The following PRKCE variants were observed in gnomAD, a reference collection of about 807,000 sequenced individuals.
The protein encoded by PRKCE is protein kinase C epsilon type.
Under a neutral mutation model 85.4 loss-of-function variants are expected in PRKCE, and 16 were observed. That is an observed-to-expected ratio of 0.19 (90% CI 0.13 to 0.28). PRKCE has a LOEUF of 0.28. PRKCE is among the 10% of genes least tolerant of loss of function. The pLI is 1.00. For missense variants in PRKCE, 573 were observed against 975.2 expected, an observed-to-expected ratio of 0.59 and a Z score of 5.49; for synonymous variants, 388 against 371.5, an observed-to-expected ratio of 1.04 and a Z score of -0.51.
intron 2 of PRKCE, among the ~76,000 whole-genome samples, chr2:45,909,651 C>T (rs1697234225): frequency 6.6e-6 from 1 of 152,244 alleles, no homozygotes; most frequent in South Asian, 2.1e-4. Context: ...TATTCTTCCT[C>T]ATCCCCTACC....
At chr2:45,665,732 A>G (rs897369092) in intron 1 of PRKCE, among the ~76,000 whole-genome samples, 4 of 152,178 alleles carry the variant, frequency 2.6e-5, no homozygotes, top group African/African-American at 7.2e-5. Flanking sequence ...TAGGTATTGC[A>G]TGGGACATTC....
chr2:46,143,349 A>G (rs1675748893), intron 11 of PRKCE, among the ~76,000 whole-genome samples: 1 of 152,108 alleles, frequency 6.6e-6, no homozygotes, highest in Non-Finnish European at 1.5e-5. Flanking sequence ...ATAGAGGGGC[A>G]TGTGACTCAG....
chr2:46,169,011 C>T (rs961025368), intron 14 of PRKCE, among the ~76,000 whole-genome samples: 1 of 152,198 alleles, frequency 6.6e-6, no homozygotes, highest in African/African-American at 2.4e-5. Flanking sequence ...CAGACAGAGC[C>T]TCAACCCTCC....
chr2:45,862,378 C>T (rs1693239555), intron 2 of PRKCE, among the ~76,000 whole-genome samples: 1 of 152,212 alleles, frequency 6.6e-6, no homozygotes, highest in Non-Finnish European at 1.5e-5. Flanking sequence ...TCCAGTGGAA[C>T]TTGGCCTTCT....
chr2:45,834,034 C>T (rs1690649679), intron 1 of PRKCE, among the ~76,000 whole-genome samples: 2 of 152,152 alleles, frequency 1.3e-5, no homozygotes, highest in Admixed American at 6.5e-5. Context: ...TAGAGTTATT[C>T]GTTTTTAGCT....
intron 1 of PRKCE, among the ~76,000 whole-genome samples, chr2:45,727,841 G>C (rs979772196): frequency 1.3e-5 from 2 of 152,052 alleles, no homozygotes; most frequent in Non-Finnish European, 2.9e-5. Flanking sequence ...TTTTAGTAGA[G>C]ACGGGGTTTC....
intron 1 of PRKCE, among the ~76,000 whole-genome samples, chr2:45,759,296 C>T (rs1419013213): frequency 1.3e-5 from 2 of 152,222 alleles, no homozygotes; most frequent in Non-Finnish European, 2.9e-5. Flanking sequence ...GGACAGCTGA[C>T]TCCAGGTTCT....
At chr2:46,130,833 A>G (rs1348028870) in intron 11 of PRKCE, among the ~76,000 whole-genome samples, 1 of 152,242 alleles carries the variant, frequency 6.6e-6, no homozygotes, top group African/African-American at 2.4e-5. Context: ...GAGTAGCTTG[A>G]GAAGAGTAAA....
intron 10 of PRKCE, among the ~76,000 whole-genome samples, chr2:46,057,089 G>C (rs1356060038): frequency 6.6e-6 from 1 of 152,156 alleles, no homozygotes; most frequent in African/African-American, 2.4e-5. Context: ...TGGTCTCTGT[G>C]TATGGCCTGA....
chr2:45,920,631 A>G (rs1427866956), intron 2 of PRKCE, among the ~76,000 whole-genome samples: 2 of 152,252 alleles, frequency 1.3e-5, no homozygotes, highest in Non-Finnish European at 2.9e-5. Context: ...GTCAGATTCA[A>G]AAGACCACAT....
intron 11 of PRKCE, among the ~76,000 whole-genome samples, chr2:46,102,060 C>T (rs1416564208): frequency 6.6e-6 from 1 of 152,194 alleles, no homozygotes; most frequent in African/African-American, 2.4e-5. Context: ...GGTGATTGTG[C>T]GTGTCTCTTC....
intron 10 of PRKCE, among the ~76,000 whole-genome samples, chr2:46,085,744 TTTTTGTTTTTG>T (rs1206966720): frequency 2.4e-4 from 6 of 25,246 alleles, no homozygotes; most frequent in Admixed American, 5.1e-4. Context: ...CCGTTTTTTT[TTTTTGTTTTTG>T]TTTTTTTTTT....
rs755105893 is a variant in PRKCE, at chr2:46,001,529, G to A, written c.949G>A (p.Gly317Ser). 7 of 1,598,906 alleles carry A rather than the reference G, an allele frequency of 4.4e-6. No individual in the cohort carries two copies. The highest frequency in any genetic ancestry group is 1.7e-5 in the Admixed American group (1 of 59,948). ...GVTPDKITNS[G>S]QRRKKLIAGA... ...TACCCCAGACAAAATCACCAACAGC[G>A]GCCAGAGAAGGAAAAAGGTAACTGG... is the stretch of plus-strand genomic sequence containing the variant. Residue 317 changes from glycine (G) to serine (S), a missense_variant, in exon 7 of 15, where the codon GGC (glycine) becomes AGC (serine). By Grantham distance (56) the Gly-to-Ser change is moderately conservative. Coordinates refer to ENST00000306156, the MANE Select transcript of PRKCE (RefSeq NM_005400.3). This position sits in a 1 kb window ranked among gnomAD's most constrained non-coding sequence, Gnocchi z 4.4.
intron 1 of PRKCE, among the ~76,000 whole-genome samples, chr2:45,693,150 G>A (rs1487510515): frequency 6.6e-6 from 1 of 152,132 alleles, no homozygotes; most frequent in African/African-American, 2.4e-5. Flanking sequence ...GGCAATGGAT[G>A]GGTGGGTGGG....
chr2:46,108,303 T>C (rs1671932117), intron 11 of PRKCE, among the ~76,000 whole-genome samples: 1 of 152,228 alleles, frequency 6.6e-6, no homozygotes, highest in African/African-American at 2.4e-5. Flanking sequence ...AGTCTGTGGC[T>C]TGACTTTTTA....
intron 1 of PRKCE, among the ~76,000 whole-genome samples, chr2:45,810,921 C>A (rs1353962055): frequency 6.6e-6 from 1 of 152,182 alleles, no homozygotes; most frequent in East Asian, 1.9e-4. Flanking sequence ...AGACTCGATA[C>A]CCAATCATCA....
rs74696836 is a variant in PRKCE, at chr2:46,087,177, G to A, written c.1592+815G>A. Among the ~76,000 whole-genome samples the A allele has an allele frequency of 0.018, 2,679 of 147,486 alleles. 145 individuals carry two copies. In the East Asian group the frequency reaches 0.19, roughly 10 times the overall value. ...TCTATTCTTTTTTTTTTTTTAATTGGGTAGAGGAGTAGCTGGCTTCGTTTC... is the reference window on the plus strand; with the variant it reads ...TCTATTCTTTTTTTTTTTTTAATTGAGTAGAGGAGTAGCTGGCTTCGTTTC... On this transcript the variant is annotated intron_variant, in intron 11 of 14. Transcript: ENST00000306156.
At chr2:45,762,122 A>G (rs142971711) in intron 1 of PRKCE, among the ~76,000 whole-genome samples, 1 of 152,352 alleles carries the variant, frequency 6.6e-6, no homozygotes, top group African/African-American at 2.4e-5. Flanking sequence ...TATCAAAAAT[A>G]TGTTTCAAAT....
At chr2:45,919,745 A>G (rs1366386368) in intron 2 of PRKCE, among the ~76,000 whole-genome samples, 2 of 152,356 alleles carry the variant, frequency 1.3e-5, no homozygotes, top group Non-Finnish European at 2.9e-5. Context: ...GGCTAGAGAA[A>G]AACACAGGAA....
Sources: gnomAD v4.1 joint callset for allele counts (sites outside exome capture counted in the v4.1 genomes callset) on GRCh38, gnomAD v4.1.1 for gene constraint, Gnocchi (gnomAD v3.1) non-coding constraint, MANE v1.5 for transcripts, NCBI Gene and HGNC (gene_info 2026-07-23, HGNC 2026-07-21) for gene names.